The following PSG2 variants were observed in gnomAD, a reference collection of about 807,000 sequenced individuals.
PSG2 encodes the protein pregnancy-specific beta-1-glycoprotein 2.
A neutral mutation model predicts 36.2 loss-of-function variants in PSG2; 49 were observed. That is an observed-to-expected ratio of 1.35 (90% CI 1.08 to 1.72). The LOEUF is 1.72. PSG2 is among the 40% of genes most tolerant of loss of function. The pLI is 0.00. For missense variants in PSG2, 605 were observed against 407.2 expected (o/e 1.49, Z -4.18); for synonymous variants, 261 against 155.6 (o/e 1.68, Z -5.04).
chr19:43,075,812 C>T (rs1191631430), intron 2 of PSG2, among the ~76,000 whole-genome samples, 180 bp from the exon 3 acceptor site: 1 of 151,612 alleles, frequency 6.6e-6, no homozygotes, highest in African/African-American at 2.4e-5. Flanking sequence ...GATTGTGAGG[C>T]TGCCTGCTTT....
At chr19:43,069,262 A>G (rs910083790) in intron 4 of PSG2, among the ~76,000 whole-genome samples, 5 of 151,830 alleles carry the variant, frequency 3.3e-5, no homozygotes, top group African/African-American at 1.2e-4. Context: ...GGAAGACTCA[A>G]TATTGTTAGG....
intron 4 of PSG2, among the ~76,000 whole-genome samples, chr19:43,067,007 G>T (rs1178081395): frequency 6.6e-6 from 1 of 151,242 alleles, no homozygotes; most frequent in Non-Finnish European, 1.5e-5. Context: ...GAAGGCCCAG[G>T]TCAGTGCATT....
At chr19:43,071,647 C>T (rs1283251669) in intron 4 of PSG2, 53 bp downstream of exon 4, 4 of 1,612,444 alleles carry the variant, frequency 2.5e-6, no homozygotes, top group African/African-American at 2.7e-5. Flanking sequence ...TCTCTGAAAG[C>T]CAGATAGACT....
At position 43,075,581 on chromosome 19, in the gene PSG2, G is replaced by T. The variant is rs1271619391; in HGVS notation, c.482C>A (p.Ala161Asp). ...ISSSNLNPRE[A>D]METVILTCDP... ...ACAGGTTAAGATCACAGTTTCCATG[G>T]CCTCCCTGGGGTTTAAGTTGCTGCT... The change falls in exon 3 of 6, where the codon GCC becomes GAC. Residue 161 changes from alanine to aspartate, a missense_variant. Transcript: ENST00000406487. 6.2e-7 allele frequency: 1 copy of T among 1,613,122 alleles called. No individual in the cohort carries two copies. The highest frequency in any genetic ancestry group is 8.5e-7 in the Non-Finnish European group (1 of 1,179,756).
At chr19:43,067,169 C>G (rs773980933) in intron 4 of PSG2, among the ~76,000 whole-genome samples, 2 of 151,480 alleles carry the variant, frequency 1.3e-5, no homozygotes, top group Admixed American at 6.6e-5. Flanking sequence ...ACTCTTAGAA[C>G]TGCATTGGTA....
At position 43,082,526 on chromosome 19, in the gene PSG2, C is replaced by G. The variant is rs769247450; in HGVS notation, c.44G>C (p.Trp15Ser). 2 of 1,612,114 alleles carry G rather than the reference C, an allele frequency of 1.2e-6. No homozygotes were observed. Among genetic ancestry groups the G allele is most frequent in the Non-Finnish European group, 1.7e-6 (2 of 1,179,112 alleles). Residue 15 changes from tryptophan (W) to serine (S), a missense_variant, in exon 1 of 6, where the codon TGG becomes TCG. Transcript: ENST00000406487. Reference protein sequence around the residue: ...SAPPCTEHIKWKGLLVTASLL... With the variant: ...SAPPCTEHIKSKGLLVTASLL... ...CTCACCTGTGACCAGGAGCCCCTTC[C>G]ATTTGATGTGCTCTGTGCAGGGAGG...
chr19:43,081,348 AAGACACACAC>A, intron 1 of PSG2, 102 bp from the exon 2 acceptor site: 1 of 1,050,268 alleles, frequency 9.5e-7, no homozygotes, highest in East Asian at 2.6e-5. Context: ...CTCAGCCTTG[AAGACACACAC>A]ACACACACAC....
chr19:43,072,003 G>A, intron 3 of PSG2, 49 bp from the exon 4 acceptor site: 1 of 1,594,834 alleles, frequency 6.3e-7, no homozygotes, highest in Non-Finnish European at 8.6e-7. Context: ...GAGGGAAGGG[G>A]ATGCTCCTGG....
intron 3 of PSG2, chr19:43,072,541 A>C: frequency 2.5e-6 from 4 of 1,610,908 alleles, no homozygotes; most frequent in Non-Finnish European, 2.5e-6. Context: ...TGTAGCTCTC[A>C]CTCTTAGGTT....
intron 4 of PSG2, among the ~76,000 whole-genome samples, chr19:43,067,113 C>A (rs1194431966): frequency 6.6e-6 from 1 of 151,482 alleles, no homozygotes; most frequent in Non-Finnish European, 1.5e-5. Context: ...CTCTCTTTAA[C>A]TCTAATGGGT....
intron 4 of PSG2, among the ~76,000 whole-genome samples, chr19:43,070,736 A>C (rs1448672579): frequency 6.6e-6 from 1 of 151,674 alleles, no homozygotes; most frequent in East Asian, 1.9e-4. Flanking sequence ...ACAGAGGTTT[A>C]ATATGGTAAG....
chr19:43,073,211 C>G lies in PSG2; in HGVS notation c.710-1257G>C, dbSNP rs568694242. On this transcript the variant is annotated intron_variant, in intron 3 of 5. Transcript: ENST00000406487. ...GTTCAGTCATCAGGCAGTGGAGGCA[C>G]AAGGTGGGGCAGCTTTTTGCAGGTG... Among the ~76,000 whole-genome samples the G allele has an allele frequency of 5.2e-4, 79 of 151,872 alleles. No individual in the cohort carries two copies. In the South Asian group the frequency reaches 0.011, roughly 21 times the overall value.
rs1448124962 is a variant in PSG2 at position 43,064,456 on chromosome 19, G to C, written c.*186C>G. The C allele has an allele frequency of 1.4e-5, 6 of 422,198 alleles. No homozygotes were observed. Among genetic ancestry groups the C allele is most frequent in the Non-Finnish European group, 2.7e-5 (6 of 225,058 alleles). 26.2% of individuals were successfully genotyped at this position (422,198 alleles called of 1,614,324 possible). A position where few individuals can be genotyped will look rare whatever the true frequency, so the allele number is the denominator to read the frequency against. On this transcript the variant is annotated 3_prime_UTR_variant, in exon 6 of 6. Coordinates refer to ENST00000406487, the MANE Select transcript of PSG2 (RefSeq NM_031246.4). ...TTTGATTATTTAGTCCAATAACATT[G>C]AGTATTTTTCTTCTTTGTCTTGAAT...
chr19:43,064,708 A>C, intron 5 of PSG2, 107 bp from the exon 6 acceptor site: 1 of 388,414 alleles, frequency 2.6e-6, no homozygotes, highest in Non-Finnish European at 4.9e-6. Flanking sequence ...ATGGTTAAAA[A>C]TCTAATGAGA....
rs1216484696 is a variant in PSG2, at chr19:43,082,687, GC to G, written c.-119del. On this transcript the variant is annotated 5_prime_UTR_variant, in exon 1 of 6. Coordinates refer to ENST00000406487, the MANE Select transcript of PSG2 (RefSeq NM_031246.4). Reference sequence around the variant, plus strand: ...CTTCTGCACTGAGCCTCTTCCTGGGGCAGCAGCAATTCCCAGGCTCATGGGT... The same window carrying G: ...CTTCTGCACTGAGCCTCTTCCTGGGGAGCAGCAATTCCCAGGCTCATGGGT... The G allele has an allele frequency of 2.7e-6, 4 of 1,472,200 alleles. No homozygotes were observed. Among genetic ancestry groups the G allele is most frequent in the Non-Finnish European group, 3.7e-6 (4 of 1,088,764 alleles). The allele number at this position is 1,472,200 out of a possible 1,614,324, so 91.2% of individuals were successfully genotyped here.
rs1967710700 is a variant in PSG2, at chr19:43,064,347, A to G, written c.*295T>C. ...AAAAGTATACTTTACCAATTGCTCA[A>G]GAAAAAATGTTCATAAATCTGGAGA... On this transcript the variant is annotated 3_prime_UTR_variant, in exon 6 of 6. Transcript: ENST00000406487. The G allele has an allele frequency of 1.0e-5, 3 of 287,280 alleles. No homozygotes were observed. The highest frequency in any genetic ancestry group is 2.1e-5 in the Non-Finnish European group (3 of 145,710). 17.8% of individuals were successfully genotyped at this position (287,280 alleles called of 1,614,324 possible). A position where few individuals can be genotyped will look rare whatever the true frequency, so the allele number is the denominator to read the frequency against.
At chr19:43,064,790 T>C (rs1297978376) in intron 5 of PSG2, among the ~76,000 whole-genome samples, 189 bp from the exon 6 acceptor site, 3 of 151,820 alleles carry the variant, frequency 2.0e-5, no homozygotes, top group Non-Finnish European at 4.4e-5. Context: ...TATGATAACA[T>C]ATTTGATTTT....
At chr19:43,065,652 T>G (rs1196242826) in intron 5 of PSG2, 1 of 151,780 alleles carries the variant, frequency 6.6e-6, no homozygotes, top group East Asian at 1.9e-4. Context: ...TTTTCAGGTC[T>G]CATTTCCTGT....
chr19:43,081,212 A>C lies in PSG2; in HGVS notation c.99T>G (p.Thr33=). ...SLLNFWNLPT[T]AQVTIEAQPP... is the part of the protein sequence containing the mutation. ...GCTGGGCTTCAATCGTGACTTGGGC[A>C]GTGGTGGGCAGGTTCCAGAAGTTTA... The change falls in exon 2 of 6, where the codon ACT becomes ACG. Residue 33 remains threonine (T), a synonymous_variant. Coordinates refer to ENST00000406487, the MANE Select transcript of PSG2 (RefSeq NM_031246.4). The C allele has an allele frequency of 6.2e-7, 1 of 1,612,580 alleles. No individual in the cohort carries two copies. Among genetic ancestry groups the C allele is most frequent in the Non-Finnish European group, 8.5e-7 (1 of 1,179,598 alleles).
Sources: allele counts gnomAD v4.1 joint callset (sites outside exome capture counted in the v4.1 genomes callset), GRCh38; gene constraint gnomAD v4.1.1; transcripts MANE v1.5; gene names NCBI Gene and HGNC (gene_info 2026-07-23, HGNC 2026-07-21).